EXOC6B: variants seen among roughly 807,000 people sequenced by gnomAD.
EXOC6B encodes SEC15 homolog B.
Under a neutral mutation model 113.5 loss-of-function variants are expected in EXOC6B, and 54 were observed. The observed-to-expected ratio is 0.48, with a 90% CI of 0.38 to 0.60. The LOEUF (loss-of-function observed/expected upper bound fraction) is 0.60. Ranked by LOEUF, EXOC6B falls within the 20% of genes least tolerant of loss-of-function variation. The pLI, the probability that EXOC6B is intolerant of heterozygous loss-of-function variation, is 0.00. For synonymous variants in EXOC6B, 357 were observed against 339.0 expected (o/e 1.05, Z -0.58); for missense variants, 797 against 977.5 (o/e 0.82, Z 2.46).
intron 6 of EXOC6B, among the ~76,000 whole-genome samples, chr2:72,632,956 A>T (rs1260027569): frequency 6.6e-6 from 1 of 152,212 alleles, no homozygotes; most frequent in East Asian, 1.9e-4. Flanking sequence ...ATTTACAGGC[A>T]TGAGCCACTG....
At chr2:72,414,209 C>T (rs1694374175) in intron 18 of EXOC6B, among the ~76,000 whole-genome samples, 1 of 152,146 alleles carries the variant, frequency 6.6e-6, no homozygotes, top group South Asian at 2.1e-4. Flanking sequence ...TTTGAGATCT[C>T]TTGGTGTCCT....
chr2:72,517,471 C>T (rs1181323645), intron 8 of EXOC6B, among the ~76,000 whole-genome samples: 3 of 151,918 alleles, frequency 2.0e-5, no homozygotes, highest in Non-Finnish European at 4.4e-5. Context: ...AAAATGAAAT[C>T]GAACACTAGG....
intron 20 of EXOC6B, among the ~76,000 whole-genome samples, chr2:72,290,043 A>C (rs1336400025): frequency 1.3e-5 from 2 of 152,188 alleles, no homozygotes; most frequent in African/African-American, 4.8e-5. Context: ...TTTGGACTCG[A>C]ACCAAACCAT....
rs902985308 is a variant in EXOC6B at position 72,825,221 on chromosome 2, C to T, written c.113+577G>A. On this transcript the variant is annotated intron_variant, in intron 1 of 21. Transcript: ENST00000272427. The surrounding 1 kb of genome is among the most constrained non-coding windows in gnomAD (Gnocchi z 4.4). ...AGCGATGAGGAGGCTGCACCGTGGG[C>T]GAGGGTCGTCCTCGTAACAGGGAGG... Among the ~76,000 whole-genome samples the T allele has an allele frequency of 6.6e-6, 1 of 151,924 alleles. No homozygotes were observed. The highest frequency in any genetic ancestry group is 2.4e-5 in the African/African-American group (1 of 41,332).
chr2:72,374,545 G>A (rs1691236122), intron 19 of EXOC6B, among the ~76,000 whole-genome samples: 1 of 151,998 alleles, frequency 6.6e-6, no homozygotes, highest in African/African-American at 2.4e-5. Flanking sequence ...ATCAGAGGCT[G>A]GGAAGCACAG....
intron 1 of EXOC6B, among the ~76,000 whole-genome samples, chr2:72,806,236 G>A (rs1016257917): frequency 2.6e-5 from 4 of 152,122 alleles, no homozygotes; most frequent in African/African-American, 9.7e-5. Flanking sequence ...ATGTCCATGT[G>A]TACTTAACAT....
chr2:72,687,755 C>T (rs1023380389), intron 6 of EXOC6B, among the ~76,000 whole-genome samples: 1 of 152,290 alleles, frequency 6.6e-6, no homozygotes, highest in Admixed American at 6.5e-5. Context: ...GTCCCTCTCT[C>T]ACCACAGCAA....
intron 18 of EXOC6B, among the ~76,000 whole-genome samples, chr2:72,402,136 T>C (rs924925077): frequency 7.9e-5 from 12 of 152,100 alleles, no homozygotes; most frequent in Non-Finnish European, 1.5e-5. Context: ...TCTTGGACTT[T>C]TCTTTACCAG....
intron 18 of EXOC6B, among the ~76,000 whole-genome samples, chr2:72,422,127 G>A (rs921575106): frequency 1.3e-5 from 2 of 152,148 alleles, no homozygotes; most frequent in Non-Finnish European, 2.9e-5. Flanking sequence ...CATGGGCCCC[G>A]TGCGGCCCGA....
chr2:72,449,803 G>A (rs1014539669), intron 18 of EXOC6B, among the ~76,000 whole-genome samples: 5 of 152,146 alleles, frequency 3.3e-5, no homozygotes, highest in Non-Finnish European at 5.9e-5. Context: ...ACAGGCAGAA[G>A]CACAGGAATC....
At chr2:72,336,805 G>A (rs1194204429) in intron 19 of EXOC6B, among the ~76,000 whole-genome samples, 1 of 152,090 alleles carries the variant, frequency 6.6e-6, no homozygotes, top group East Asian at 1.9e-4. Flanking sequence ...TCAGGAGTTT[G>A]CGACCAGCCT....
chr2:72,671,563 T>G (rs973374242), intron 6 of EXOC6B, among the ~76,000 whole-genome samples: 2 of 151,698 alleles, frequency 1.3e-5, no homozygotes, highest in African/African-American at 4.8e-5. Context: ...CCGGGCGTGG[T>G]GGTGGGTGCC....
At chr2:72,285,196 G>A (rs1685354171) in intron 20 of EXOC6B, among the ~76,000 whole-genome samples, 1 of 152,044 alleles carries the variant, frequency 6.6e-6, no homozygotes. Flanking sequence ...GTCAGACTTT[G>A]TTCACTCTCA....
intron 8 of EXOC6B, among the ~76,000 whole-genome samples, chr2:72,518,011 C>T (rs763700489): frequency 8.1e-4 from 123 of 152,052 alleles, no homozygotes; most frequent in Non-Finnish European, 1.3e-3. Context: ...CTAAATTCAC[C>T]TTTCATTATT....
At chr2:72,724,536 T>C (rs1193722800) in intron 5 of EXOC6B, among the ~76,000 whole-genome samples, 5 of 151,814 alleles carry the variant, frequency 3.3e-5, no homozygotes, top group African/African-American at 1.2e-4. Flanking sequence ...CAACATAATG[T>C]TCATTAATCA....
chr2:72,803,664 T>C (rs768050589), intron 1 of EXOC6B, among the ~76,000 whole-genome samples: 1 of 152,206 alleles, frequency 6.6e-6, no homozygotes, highest in Non-Finnish European at 1.5e-5. Flanking sequence ...ACCATTCACT[T>C]AAAATTATTG....
intron 17 of EXOC6B, among the ~76,000 whole-genome samples, chr2:72,471,844 T>G (rs1698431782): frequency 6.6e-6 from 1 of 152,160 alleles, no homozygotes; most frequent in Admixed American, 6.5e-5. Context: ...TTCAGGATGG[T>G]GTTAGTTGTG....
intron 18 of EXOC6B, among the ~76,000 whole-genome samples, chr2:72,455,139 A>C (rs1418990545): frequency 6.6e-6 from 1 of 152,172 alleles, no homozygotes; most frequent in Non-Finnish European, 1.5e-5. Flanking sequence ...GTCCTAAAGG[A>C]TCTGATGCCT....
chr2:72,468,621 T>G (rs1202059634), intron 17 of EXOC6B, among the ~76,000 whole-genome samples: 1 of 152,218 alleles, frequency 6.6e-6, no homozygotes, highest in Non-Finnish European at 1.5e-5. Flanking sequence ...CTTTTGCTAT[T>G]TGGAGTCTTA....
Sources: gnomAD v4.1 joint callset for allele counts (sites outside exome capture counted in the v4.1 genomes callset) on GRCh38, gnomAD v4.1.1 for gene constraint, Gnocchi (gnomAD v3.1) non-coding constraint, MANE v1.5 for transcripts, NCBI Gene and HGNC (gene_info 2026-07-23, HGNC 2026-07-21) for gene names.